WDR26: variants seen among roughly 807,000 people sequenced by gnomAD.
The protein encoded by WDR26 is WD repeat-containing protein 26.
In WDR26, 5 loss-of-function variants were observed where a neutral mutation model predicts 84.1. The ratio of observed to expected loss-of-function variants is 0.06; its 90% CI spans 0.03 to 0.13. WDR26 has a LOEUF of 0.13. Among genes scored for constraint, WDR26 ranks in the 10% least tolerant of loss-of-function variants. WDR26 has a pLI of 1.00. For synonymous variants in WDR26, 415 were observed against 389.6 expected (o/e 1.07, Z -0.77); for missense variants, 642 against 974.9 (o/e 0.66, Z 4.55).
intron 6 of WDR26, 139 bp from the exon 7 acceptor site, chr1:224,411,704 C>CAT: frequency 4.1e-6 from 3 of 727,554 alleles, no homozygotes; most frequent in South Asian, 2.4e-5. Context: ...ATTTGTAAAT[C>CAT]TTTTTTTTTT....
rs1390381999 is a variant in WDR26 at position 224,391,866 on chromosome 1, CT to C, written c.2260+1961del. On this transcript the variant is annotated intron_variant, in intron 13 of 13. Coordinates refer to ENST00000414423, the MANE Select transcript of WDR26 (RefSeq NM_001379403.1). ...AGCCAAACATCTGGTTATACAAGTA[CT>C]GTTTTTTCTATTTCAGGTGAAAATG... Among the ~76,000 whole-genome samples, 11 of 152,234 alleles carry C rather than the reference CT, an allele frequency of 7.2e-5. No homozygotes were observed. The East Asian group carries it at 1.9e-3, about 27-fold the overall frequency.
At chr1:224,406,071 T>G (rs1171432587) in intron 7 of WDR26, among the ~76,000 whole-genome samples, 1 of 152,096 alleles carries the variant, frequency 6.6e-6, no homozygotes, top group African/African-American at 2.4e-5. Context: ...AATCAAAAGA[T>G]ATTTTGGGCT....
In WDR26 at chr1:224,419,553, G is replaced by C; in HGVS notation, c.1127C>G (p.Thr376Arg). 6.2e-7 allele frequency: 1 copy of C among 1,614,018 alleles called. No individual in the cohort carries two copies. The highest frequency in any genetic ancestry group is 8.5e-7 in the Non-Finnish European group (1 of 1,179,904). The change falls in exon 5 of 14, where the codon ACA becomes AGA. Residue 376 changes from threonine to arginine, a missense_variant. Coordinates refer to ENST00000414423, the MANE Select transcript of WDR26 (RefSeq NM_001379403.1). Reference sequence around the variant, plus strand: ...ATCCAATAGTTTAGATCGGGAAGCTGTCCCTTTGCCTTCCCATTCTGCTTT... The same window carrying C: ...ATCCAATAGTTTAGATCGGGAAGCTCTCCCTTTGCCTTCCCATTCTGCTTT...
In WDR26 at chr1:224,385,752, A is replaced by G. The variant is rs1672978797; in HGVS notation, c.*4083T>C. ...AACATTTTTTTCCATCTGTGCCTAA[A>G]AATGTTACAATTCAGTTCTAGCACA... On this transcript the variant is annotated 3_prime_UTR_variant, in exon 14 of 14. Coordinates refer to ENST00000414423, the MANE Select transcript of WDR26 (RefSeq NM_001379403.1). 1 of 152,614 alleles carries G rather than the reference A, an allele frequency of 6.6e-6. No homozygotes were observed. 9.5% of individuals were successfully genotyped at this position (152,614 alleles called of 1,614,324 possible). A position where few individuals can be genotyped will look rare whatever the true frequency, so the allele number is the denominator to read the frequency against.
At chr1:224,399,365 C>T (rs1466650628) in intron 9 of WDR26, among the ~76,000 whole-genome samples, 2 of 152,146 alleles carry the variant, frequency 1.3e-5, no homozygotes, top group Non-Finnish European at 2.9e-5. Flanking sequence ...ACAATTTAAA[C>T]GTTCCTTTAA....
intron 1 of WDR26, among the ~76,000 whole-genome samples, chr1:224,433,288 G>T (rs754462058): frequency 9.2e-5 from 14 of 151,902 alleles, no homozygotes; most frequent in Non-Finnish European, 1.9e-4. Context: ...ATCCTCCAAG[G>T]TTCATTATTT....
intron 7 of WDR26, among the ~76,000 whole-genome samples, chr1:224,409,692 C>T (rs1673679708): frequency 6.6e-6 from 1 of 151,756 alleles, no homozygotes; most frequent in Non-Finnish European, 1.5e-5. Context: ...GAAACCCCGT[C>T]TCTACTTCAA....
At chr1:224,428,336 G>A (rs1361900507) in intron 3 of WDR26, among the ~76,000 whole-genome samples, 1 of 152,186 alleles carries the variant, frequency 6.6e-6, no homozygotes, top group Non-Finnish European at 1.5e-5. Context: ...TAACTCTGGA[G>A]TAAGGTCATA....
At chr1:224,389,948 C>A in intron 13 of WDR26, 88 bp from the exon 14 acceptor site, 1 of 995,828 alleles carries the variant, frequency 1.0e-6, no homozygotes, top group Admixed American at 2.6e-5. Context: ...TAGAAAGTTT[C>A]AAAATTAGCA....
intron 9 of WDR26, among the ~76,000 whole-genome samples, chr1:224,400,017 T>C (rs1673367554): frequency 6.6e-6 from 1 of 152,150 alleles, no homozygotes; most frequent in African/African-American, 2.4e-5. Flanking sequence ...ACTGGGACCA[T>C]GTGAGTCTGT....
chr1:224,433,600 T>TCCCCCCCCCCCCCCCC, intron 1 of WDR26, 84 bp downstream of exon 1: 2 of 287,054 alleles, frequency 7.0e-6, no homozygotes, highest in Admixed American at 4.8e-5. Flanking sequence ...CAAGCCCCCC[T>TCCCCCCCCCCCCCCCC]CCCCCCTCCG....
At chr1:224,432,155 A>G (rs775498063) in intron 1 of WDR26, among the ~76,000 whole-genome samples, 3 of 152,260 alleles carry the variant, frequency 2.0e-5, no homozygotes, top group Non-Finnish European at 4.4e-5. Flanking sequence ...TTAGCTTCAC[A>G]CAAGGTTAAC....
intron 3 of WDR26, among the ~76,000 whole-genome samples, chr1:224,425,053 T>G (rs190418923): frequency 6.6e-6 from 1 of 151,912 alleles, no homozygotes; most frequent in African/African-American, 2.4e-5. Context: ...CACTGGGGGG[T>G]TTTATGCAAC....
chr1:224,419,919 A>G (rs928756826), intron 4 of WDR26, among the ~76,000 whole-genome samples: 3 of 152,054 alleles, frequency 2.0e-5, no homozygotes, highest in South Asian at 2.1e-4. Flanking sequence ...TTTAATGTTT[A>G]TAACAACCCT....
In WDR26 at chr1:224,398,859, T is replaced by G. The variant is rs978591056; in HGVS notation, c.1865+30A>C. 1.9e-6 allele frequency: 3 copies of G among 1,610,540 alleles called. No individual in the cohort carries two copies. In the African/African-American group the frequency reaches 4.0e-5, roughly 22 times the overall value. On this transcript the variant is annotated intron_variant, in intron 10 of 13. Coordinates refer to ENST00000414423, the MANE Select transcript of WDR26 (RefSeq NM_001379403.1). ...CACATTTGAATATAAATCAGGTAAT[T>G]GTTGTTTAATGGAAACAAAAAATAG...
chr1:224,412,710 A>T (rs1673772685), intron 6 of WDR26, among the ~76,000 whole-genome samples: 1 of 152,248 alleles, frequency 6.6e-6, no homozygotes, highest in African/African-American at 2.4e-5. Context: ...TACCTGTGTT[A>T]TCTAATATGG....
At chr1:224,407,569 C>T (rs576420734) in intron 7 of WDR26, among the ~76,000 whole-genome samples, 29 of 148,850 alleles carry the variant, frequency 1.9e-4, no homozygotes, top group Admixed American at 8.1e-4. Context: ...AGTGCAGTGG[C>T]GCAATCTCAA....
chr1:224,420,035 CA>C (rs1312672693), intron 4 of WDR26, among the ~76,000 whole-genome samples: 1 of 152,178 alleles, frequency 6.6e-6, no homozygotes, highest in East Asian at 1.9e-4. Context: ...TAAACTCAGG[CA>C]TTCCAGCTGT....
intron 8 of WDR26, 64 bp downstream of exon 8, chr1:224,404,366 A>C: frequency 2.0e-6 from 3 of 1,537,568 alleles, no homozygotes; most frequent in Middle Eastern, 1.8e-4. Flanking sequence ...ATAAAGTTAT[A>C]ATGAATATGT....
Sources: gnomAD v4.1 joint callset for allele counts (sites outside exome capture counted in the v4.1 genomes callset) on GRCh38, gnomAD v4.1.1 for gene constraint, MANE v1.5 for transcripts, NCBI Gene and HGNC (gene_info 2026-07-23, HGNC 2026-07-21) for gene names.